Variants in ATOSA observed in about 807,000 individuals in gnomAD.
The protein encoded by ATOSA is atos homolog A.
At chr15:52,660,802 C>A in the ATOSA span, among the ~76,000 whole-genome samples, 2 of 152,120 alleles carry the variant, frequency 1.3e-5, no homozygotes, top group Non-Finnish European at 2.9e-5. Flanking sequence ...CAAGCATGGG[C>A]CACCAATCCC....
the ATOSA span, among the ~76,000 whole-genome samples, chr15:52,668,080 A>C: frequency 6.6e-6 from 1 of 152,264 alleles, no homozygotes; most frequent in Admixed American, 6.5e-5. Context: ...AAAGGAAATG[A>C]AATCAGCATG....
the ATOSA span, chr15:52,652,023 T>C: frequency 1.3e-6 from 2 of 1,509,062 alleles, no homozygotes; most frequent in Non-Finnish European, 1.8e-6. Flanking sequence ...TGGGTGCTGA[T>C]CCCGCTTCCC....
the ATOSA span, among the ~76,000 whole-genome samples, chr15:52,626,223 T>C: frequency 6.6e-6 from 1 of 152,230 alleles, no homozygotes; most frequent in Non-Finnish European, 1.5e-5. Context: ...CCATTGGTAC[T>C]ACATGAATTC....
chr15:52,658,662 A>G, the ATOSA span: 948 of 397,960 alleles, frequency 2.4e-3, 13 homozygotes, highest in East Asian at 0.031. Flanking sequence ...GGAGACCACC[A>G]CAAACAGAAA....
chr15:52,707,226 G>A, the ATOSA span, among the ~76,000 whole-genome samples: 1 of 152,192 alleles, frequency 6.6e-6, no homozygotes, highest in Non-Finnish European at 1.5e-5. Context: ...TTGATGCGGA[G>A]CAGGGTATTT....
At chr15:52,704,887 C>G in the ATOSA span, among the ~76,000 whole-genome samples, 1 of 152,144 alleles carries the variant, frequency 6.6e-6, no homozygotes, top group Non-Finnish European at 1.5e-5. Context: ...GAAATAGGAA[C>G]ACTTTTACAC....
the ATOSA span, among the ~76,000 whole-genome samples, chr15:52,597,994 C>T: frequency 1.2e-4 from 19 of 152,016 alleles, no homozygotes; most frequent in South Asian, 2.1e-4. Context: ...CATGGTGGCG[C>T]GCTCCTGTAA....
the ATOSA span, chr15:52,609,142 C>A: frequency 4.3e-6 from 7 of 1,613,532 alleles, no homozygotes; most frequent in East Asian, 1.6e-4. Flanking sequence ...GATGATTTCA[C>A]TAGGATTGTT....
chr15:52,631,088 G>C, the ATOSA span, among the ~76,000 whole-genome samples: 2 of 152,172 alleles, frequency 1.3e-5, no homozygotes, highest in Non-Finnish European at 2.9e-5. Flanking sequence ...AACTGCATGG[G>C]AGGTCATTTT....
chr15:52,596,046 C>A, the ATOSA span, among the ~76,000 whole-genome samples: 1 of 152,020 alleles, frequency 6.6e-6, no homozygotes, highest in East Asian at 1.9e-4. Context: ...CCCAGGAGAT[C>A]CAGGCTGCAG....
chr15:52,664,217 T>C, the ATOSA span, among the ~76,000 whole-genome samples: 2 of 152,204 alleles, frequency 1.3e-5, no homozygotes, highest in Admixed American at 6.5e-5. Context: ...ATTTGCTCTT[T>C]ACACAGCACT....
At chr15:52,612,539 T>C in the ATOSA span, among the ~76,000 whole-genome samples, 1 of 148,982 alleles carries the variant, frequency 6.7e-6, no homozygotes, top group Non-Finnish European at 1.5e-5. Flanking sequence ...AGTCTCACTC[T>C]TGTCTCCCAG....
the ATOSA span, chr15:52,658,387 A>C: frequency 5.4e-6 from 1 of 183,814 alleles, no homozygotes; most frequent in Admixed American, 6.1e-5. Flanking sequence ...GCTAGAGTCA[A>C]CCTTTCTGTC....
the ATOSA span, among the ~76,000 whole-genome samples, chr15:52,626,167 C>T: frequency 6.6e-6 from 1 of 152,136 alleles, no homozygotes; most frequent in Admixed American, 6.6e-5. Flanking sequence ...AAATCATTTG[C>T]CCAAGGCCAC....
At chr15:52,666,053 A>C in the ATOSA span, among the ~76,000 whole-genome samples, 1 of 152,188 alleles carries the variant, frequency 6.6e-6, no homozygotes, top group Non-Finnish European at 1.5e-5. Context: ...CACCCAAAAC[A>C]TGAACTGTCT....
the ATOSA span, chr15:52,600,001 T>A: frequency 4.1e-6 from 2 of 490,080 alleles, no homozygotes; most frequent in Non-Finnish European, 7.2e-6. Context: ...AAAAGGTAAT[T>A]TCAAGGCTTG....
chr15:52,694,171 T>A, the ATOSA span, among the ~76,000 whole-genome samples: 31,142 of 84,316 alleles, frequency 0.37, 4,409 homozygotes, highest in African/African-American at 0.48. Context: ...TATATATATT[T>A]TTTTTTTTTT....
At chr15:52,691,816 C>T in the ATOSA span, among the ~76,000 whole-genome samples, 11 of 151,156 alleles carry the variant, frequency 7.3e-5, no homozygotes, top group Admixed American at 5.3e-4. Context: ...GCCTGGGAGA[C>T]AGAGCAAGAC....
the ATOSA span, chr15:52,590,888 AAGTC>A: frequency 6.6e-6 from 1 of 152,222 alleles, no homozygotes; most frequent in African/African-American, 2.4e-5. Flanking sequence ...AGAGAAAAGA[AAGTC>A]AGAGTTTCTC....
Sources: gnomAD v4.1 joint callset for allele counts (sites outside exome capture counted in the v4.1 genomes callset) on GRCh38, gnomAD v4.1.1 for gene constraint, MANE v1.5 for transcripts, NCBI Gene and HGNC (gene_info 2026-07-23, HGNC 2026-07-21) for gene names.